The following EFL1 variants were observed in gnomAD, a reference collection of about 807,000 sequenced individuals.
EFL1 encodes the protein elongation factor-like GTPase 1.
EFL1 carries 76 observed loss-of-function variants against 126.7 expected under a neutral mutation model. The observed-to-expected ratio is 0.60, with a 90% confidence interval of 0.50 to 0.73. EFL1 has a LOEUF of 0.73. EFL1 is among the 30% of genes least tolerant of loss of function. The pLI, the probability that EFL1 is intolerant of heterozygous loss-of-function variation, is 0.00. For synonymous variants in EFL1, 410 were observed against 448.4 expected (o/e 0.91, Z 1.08); for missense variants, 1,128 against 1,343.2 (o/e 0.84, Z 2.50).
chr15:82,132,195 G>T (rs1332438681), intron 19 of EFL1, among the ~76,000 whole-genome samples: 1 of 152,188 alleles, frequency 6.6e-6, no homozygotes, highest in Non-Finnish European at 1.5e-5. Flanking sequence ...TTGAACAAAG[G>T]TTGGAAACAA....
chr15:82,185,830 C>A (rs896557595), intron 15 of EFL1, among the ~76,000 whole-genome samples: 3 of 152,044 alleles, frequency 2.0e-5, no homozygotes, highest in Non-Finnish European at 4.4e-5. Flanking sequence ...AATCAAGGGG[C>A]GTATTTGCAT....
Position 82,219,916 on chromosome 15 carries a change from A to G in EFL1, c.1445-98T>C. 7.4e-6 allele frequency: 11 copies of G among 1,493,342 alleles called. No individual in the cohort carries two copies. The South Asian group carries it at 1.4e-4, about 19-fold the overall frequency. The allele number at this position is 1,493,342 out of a possible 1,614,324, so 92.5% of individuals were successfully genotyped here. On this transcript the variant is annotated intron_variant, in intron 13 of 19. Transcript: ENST00000268206. ...AGGAGTGAATATGATATCTTTCGTC[A>G]AGTTTCAGGAAAAAAAAGAAAACAA...
intron 11 of EFL1, among the ~76,000 whole-genome samples, 153 bp downstream of exon 11, chr15:82,227,297 G>A (rs906571236): frequency 6.6e-6 from 1 of 152,194 alleles, no homozygotes; most frequent in African/African-American, 2.4e-5. Context: ...CAAAACTGGT[G>A]AAATGGTCAT....
intron 19 of EFL1, among the ~76,000 whole-genome samples, chr15:82,131,622 C>A (rs1373400095): frequency 6.6e-6 from 1 of 151,304 alleles, no homozygotes; most frequent in East Asian, 1.9e-4. Flanking sequence ...GAAACCCTGT[C>A]TCTACTAAAA....
At chr15:82,138,986 CT>C (rs34017266) in intron 18 of EFL1, 144 bp from the exon 19 acceptor site, 2 of 802,420 alleles carry the variant, frequency 2.5e-6, no homozygotes, top group Non-Finnish European at 3.6e-6. Context: ...GCAAGGAACA[CT>C]TTTTAAGTGT....
intron 14 of EFL1, chr15:82,215,729 T>C (rs962022231): frequency 1.3e-5 from 2 of 152,126 alleles, no homozygotes; most frequent in South Asian, 2.1e-4. Flanking sequence ...ATCACAAGCA[T>C]AGGGTGACCA....
At chr15:82,257,479 G>A (rs2075076377) in intron 3 of EFL1, among the ~76,000 whole-genome samples, 1 of 152,138 alleles carries the variant, frequency 6.6e-6, no homozygotes, top group South Asian at 2.1e-4. Context: ...GGTCAAAAGT[G>A]TCAAATGTTC....
intron 3 of EFL1, among the ~76,000 whole-genome samples, chr15:82,253,768 T>C (rs1218956864): frequency 6.6e-6 from 1 of 152,144 alleles, no homozygotes; most frequent in Non-Finnish European, 1.5e-5. Flanking sequence ...CATAACACTG[T>C]AATACCCACC....
chr15:82,244,463 C>A (rs1430257897), intron 4 of EFL1, among the ~76,000 whole-genome samples: 2 of 152,096 alleles, frequency 1.3e-5, no homozygotes. Flanking sequence ...TAACAAAGTC[C>A]TGAAGCTATA....
chr15:82,197,425 TATG>T (rs2074419585), intron 15 of EFL1, among the ~76,000 whole-genome samples: 1 of 152,184 alleles, frequency 6.6e-6, no homozygotes, highest in Non-Finnish European at 1.5e-5. Flanking sequence ...TCCTTAGAAA[TATG>T]ATCATCAATG....
chr15:82,239,075 T>A (rs1173252275), intron 6 of EFL1, among the ~76,000 whole-genome samples: 1 of 152,230 alleles, frequency 6.6e-6, no homozygotes, highest in Non-Finnish European at 1.5e-5. Context: ...CTCACTTATG[T>A]CTGCAAATAC....
chr15:82,187,258 C>T (rs987558389), intron 15 of EFL1, among the ~76,000 whole-genome samples: 1 of 152,052 alleles, frequency 6.6e-6, no homozygotes, highest in Non-Finnish European at 1.5e-5. Context: ...TTTCTAATAG[C>T]GAAAACAAAT....
At chr15:82,214,006 CT>C (rs1379377266) in intron 15 of EFL1, among the ~76,000 whole-genome samples, 1 of 152,094 alleles carries the variant, frequency 6.6e-6, no homozygotes, top group African/African-American at 2.4e-5. Context: ...AAAGTTAAAC[CT>C]TTTTCTAAAA....
intron 18 of EFL1, among the ~76,000 whole-genome samples, chr15:82,147,758 G>C (rs2073864149): frequency 6.6e-6 from 1 of 151,906 alleles, no homozygotes; most frequent in Non-Finnish European, 1.5e-5. Context: ...AGAGTAATGA[G>C]AGTCTAAAAG....
intron 7 of EFL1, among the ~76,000 whole-genome samples, chr15:82,237,452 C>T (rs1367072231): frequency 1.3e-5 from 2 of 152,190 alleles, no homozygotes; most frequent in Admixed American, 1.3e-4. Flanking sequence ...ATTAAAACCA[C>T]AATATCATAT....
chr15:82,254,466 A>G (rs2075050193), intron 3 of EFL1, among the ~76,000 whole-genome samples: 1 of 129,014 alleles, frequency 7.8e-6, no homozygotes, highest in African/African-American at 3.2e-5. Context: ...TTCAAAAGGA[A>G]AAAAAAAAAT....
At chr15:82,209,352 C>CAG (rs1262070273) in intron 15 of EFL1, among the ~76,000 whole-genome samples, 1 of 147,328 alleles carries the variant, frequency 6.8e-6, no homozygotes, top group African/African-American at 2.5e-5. Context: ...CACACACACA[C>CAG]AGATTATCAA....
At chr15:82,257,836 T>C (rs2075079375) in intron 3 of EFL1, among the ~76,000 whole-genome samples, 1 of 152,278 alleles carries the variant, frequency 6.6e-6, no homozygotes, top group Admixed American at 6.5e-5. Context: ...CTGGCTTCAC[T>C]GATCCTTTCT....
At position 82,227,529 on chromosome 15, in the gene EFL1, A is replaced by G; in HGVS notation, c.1113T>C (p.Ala371=). ...TGCACATCAGTCTCTCCACTCTCTC[A>G]GCTGTAATATCAAGGGGACTAGGAA... The part of the protein sequence containing the change: ...QKLPSPLDIT[A]ERVERLMCTG... Residue 371 remains alanine (A), a synonymous_variant, in exon 11 of 20, where the codon GCT becomes GCC. Coordinates refer to ENST00000268206, the MANE Select transcript of EFL1 (RefSeq NM_024580.6). 2 of 1,614,186 alleles carry G rather than the reference A, an allele frequency of 1.2e-6. No individual in the cohort carries two copies. Among genetic ancestry groups the G allele is most frequent in the East Asian group, 2.2e-5 (1 of 44,884 alleles).
Sources: allele counts gnomAD v4.1 joint callset (sites outside exome capture counted in the v4.1 genomes callset), GRCh38; gene constraint gnomAD v4.1.1; transcripts MANE v1.5; gene names NCBI Gene and HGNC (gene_info 2026-07-23, HGNC 2026-07-21).